P2RY8: variants seen among roughly 807,000 people sequenced by gnomAD.
P2RY8 encodes the protein P2Y receptor family member 8.
P2RY8 carries 6 observed loss-of-function variants against 10.0 expected under a neutral mutation model. The observed-to-expected ratio is 0.60, with a 90% CI of 0.33 to 1.19. The LOEUF (loss-of-function observed/expected upper bound fraction) is 1.19. Ranked by LOEUF, P2RY8 falls within the 50% of genes most tolerant of loss-of-function variation. The pLI, the probability that P2RY8 is intolerant of heterozygous loss-of-function variation, is 0.04. For synonymous variants in P2RY8, 276 were observed against 252.5 expected (o/e 1.09, Z -0.88); for missense variants, 456 against 542.0 (o/e 0.84, Z 1.58).
rs867510196 is a variant in P2RY8, at chrX:1,472,791, A to C, written c.-24-6209T>G. On this transcript the variant is annotated intron_variant, in intron 1 of 1. Coordinates refer to ENST00000381297, the MANE Select transcript of P2RY8 (RefSeq NM_178129.5). ...GATAGATGTGTGGGTGGATGAATTG[A>C]TGGGTTGATGGGTAGATGGATGGGT... 8.6e-3 allele frequency among the ~76,000 whole-genome samples: 1,219 copies of C among 141,578 alleles called. 7 individuals are homozygous for C. The highest frequency in any genetic ancestry group is 0.014 in the Non-Finnish European group (924 of 65,540). The allele number at this position is 141,578 out of a possible 152,430, so 92.9% of individuals were successfully genotyped here.
At chrX:1,509,751 G>A (rs62651034) in intron 1 of P2RY8, among the ~76,000 whole-genome samples, 16,958 of 73,208 alleles carry the variant, frequency 0.23, 3,230 homozygotes, top group Middle Eastern at 0.42. Flanking sequence ...GTATCTATCT[G>A]TCTATCTATC....
In P2RY8 at chrX:1,495,632, G is replaced by A. The variant is rs1414787952; in HGVS notation, c.-24-29050C>T. Among the ~76,000 whole-genome samples, 5 of 141,906 alleles carry A rather than the reference G, an allele frequency of 3.5e-5. 1 individual carries two copies. Among genetic ancestry groups the A allele is most frequent in the Middle Eastern group, 3.4e-3 (1 of 298 alleles). 93.1% of individuals were successfully genotyped at this position (141,906 alleles called of 152,430 possible). Reference sequence around the variant, plus strand: ...CTATGGTATTCTGGGATAGTCGTTCGAAATGGACAAAGACACCTCATAAGA... The same window carrying A: ...CTATGGTATTCTGGGATAGTCGTTCAAAATGGACAAAGACACCTCATAAGA... On this transcript the variant is annotated intron_variant, in intron 1 of 1. Coordinates refer to ENST00000381297, the MANE Select transcript of P2RY8 (RefSeq NM_178129.5).
chrX:1,514,345 C>T (rs1348360705), intron 1 of P2RY8, among the ~76,000 whole-genome samples: 4 of 150,320 alleles, frequency 2.7e-5, no homozygotes, highest in Non-Finnish European at 4.4e-5. Flanking sequence ...CTTTCCTTCC[C>T]TTCCCTTTTA....
At chrX:1,511,171 C>T (rs1338710539) in intron 1 of P2RY8, among the ~76,000 whole-genome samples, 3 of 152,118 alleles carry the variant, frequency 2.0e-5, no homozygotes, top group African/African-American at 2.4e-5. Flanking sequence ...CAGAGTGAGA[C>T]TCTGTCTCAA....
At chrX:1,503,813 T>C (rs1225349742) in intron 1 of P2RY8, among the ~76,000 whole-genome samples, 2 of 150,960 alleles carry the variant, frequency 1.3e-5, no homozygotes, top group African/African-American at 4.9e-5. Flanking sequence ...GAGAATCACT[T>C]GAACCCGGGA....
chrX:1,466,046 G>A lies in P2RY8; in HGVS notation c.513C>T (p.Gly171=), dbSNP rs1393862924. The part of the protein sequence containing the change: ...TDLTYPVHAL[G]IITCFDVLKW... The stretch of plus-strand genomic sequence containing the variant: ...TGAGGACGTCGAAGCAGGTGATGAT[G>A]CCCAGGGCGTGCACCGGGTAGGTGA... Residue 171 remains glycine (G), a synonymous_variant, in exon 2 of 2, where the codon GGC becomes GGT. Coordinates refer to ENST00000381297, the MANE Select transcript of P2RY8 (RefSeq NM_178129.5). 7 of 1,611,710 alleles carry A rather than the reference G, an allele frequency of 4.3e-6. No individual in the cohort carries two copies. In the Admixed American group the frequency reaches 1.0e-4, roughly 23 times the overall value.
At chrX:1,520,966 GC>G (rs1435818200) in intron 1 of P2RY8, among the ~76,000 whole-genome samples, 21 of 146,876 alleles carry the variant, frequency 1.4e-4, no homozygotes, top group African/African-American at 5.3e-4. Flanking sequence ...CACCTCTTTG[GC>G]CCCCAATCAT....
rs2091649274 is a variant in P2RY8, at chrX:1,465,335, G to T, written c.*144C>A. ...CTCTGCAGTGCCTGGGAGGAATAAA[G>T]CCTGGAGACCCTTCCCCACCGGGCC... On this transcript the variant is annotated 3_prime_UTR_variant, in exon 2 of 2. Coordinates refer to ENST00000381297, the MANE Select transcript of P2RY8 (RefSeq NM_178129.5). The T allele has an allele frequency of 7.4e-7, 1 of 1,351,170 alleles. No homozygotes were observed. Among genetic ancestry groups the T allele is most frequent in the Non-Finnish European group, 9.9e-7 (1 of 1,009,612 alleles). 83.7% of individuals were successfully genotyped at this position (1,351,170 alleles called of 1,614,324 possible).
intron 1 of P2RY8, among the ~76,000 whole-genome samples, chrX:1,481,024 G>A (rs1335693264): frequency 2.6e-5 from 4 of 151,768 alleles, no homozygotes; most frequent in Non-Finnish European, 4.4e-5. Flanking sequence ...AATTAATACC[G>A]CCGAGACATG....
At chrX:1,535,710 C>T (rs1221540412) in intron 1 of P2RY8, among the ~76,000 whole-genome samples, 3 of 145,356 alleles carry the variant, frequency 2.1e-5, no homozygotes, top group African/African-American at 7.7e-5. Context: ...CACACACACA[C>T]ACACAGACAC....
In P2RY8 at chrX:1,525,861, CTATT is replaced by C. The variant is rs1239562762; in HGVS notation, c.-25+11056_-25+11059del. ...TGCATCCATTCATTCACTCATTCAT[CTATT>C]CATTCATTCATTTATTCCTTATCCA... On this transcript the variant is annotated intron_variant, in intron 1 of 1. Transcript: ENST00000381297. Among the ~76,000 whole-genome samples the C allele has an allele frequency of 1.3e-4, 19 of 150,896 alleles. No homozygotes were observed. In the South Asian group the frequency reaches 2.9e-3, roughly 23 times the overall value.
At chrX:1,486,923 C>T (rs1383461645) in intron 1 of P2RY8, among the ~76,000 whole-genome samples, 1 of 152,248 alleles carries the variant, frequency 6.6e-6, no homozygotes. Context: ...GCCCCGGTCA[C>T]AGCCAGGCTG....
chrX:1,508,702 CATTCTATCT>C (rs1159759042), intron 1 of P2RY8, among the ~76,000 whole-genome samples: 5 of 86,516 alleles, frequency 5.8e-5, no homozygotes, highest in South Asian at 3.7e-4. Flanking sequence ...TCCATCCATC[CATTCTATCT>C]ATCTATCTAT....
At chrX:1,522,351 TC>T (rs2092399319) in intron 1 of P2RY8, among the ~76,000 whole-genome samples, 1 of 152,168 alleles carries the variant, frequency 6.6e-6, no homozygotes, top group Admixed American at 6.5e-5. Context: ...CATTCATGCC[TC>T]CGTGCAGCCA....
rs1435512232 is a variant in P2RY8, at chrX:1,533,661, T to C, written c.-25+3260A>G. On this transcript the variant is annotated intron_variant, in intron 1 of 1. Coordinates refer to ENST00000381297, the MANE Select transcript of P2RY8 (RefSeq NM_178129.5). ...ACATATTTATTATTTACATATTTATTATTTAAATATATTTTATATTTATAT... is the reference window on the plus strand; with the variant it reads ...ACATATTTATTATTTACATATTTATCATTTAAATATATTTTATATTTATAT... Among the ~76,000 whole-genome samples, 8 of 127,390 alleles carry C rather than the reference T, an allele frequency of 6.3e-5. No homozygotes were observed. In the East Asian group the frequency reaches 2.0e-3, roughly 31 times the overall value. The allele number at this position is 127,390 out of a possible 152,430, so 83.6% of individuals were successfully genotyped here. A position where few individuals can be genotyped will look rare whatever the true frequency, so the allele number is the denominator to read the frequency against.
At chrX:1,515,275 A>G (rs1265395567) in intron 1 of P2RY8, among the ~76,000 whole-genome samples, 4 of 151,868 alleles carry the variant, frequency 2.6e-5, no homozygotes, top group African/African-American at 9.7e-5. Context: ...TAGAGATAGA[A>G]TTCCTACAGC....
chrX:1,487,496 C>T (rs1416962920), intron 1 of P2RY8, among the ~76,000 whole-genome samples: 2 of 152,028 alleles, frequency 1.3e-5, no homozygotes, highest in East Asian at 3.9e-4. Context: ...TGCTTGGGAC[C>T]CAGACTGTAG....
intron 1 of P2RY8, among the ~76,000 whole-genome samples, chrX:1,516,766 G>C (rs1339011415): frequency 6.6e-6 from 1 of 151,722 alleles, no homozygotes; most frequent in Non-Finnish European, 1.5e-5. Flanking sequence ...AAGAAGAGGA[G>C]ATGAGGACAC....
At chrX:1,530,840 C>G in intron 1 of P2RY8, among the ~76,000 whole-genome samples, 1 of 151,616 alleles carries the variant, frequency 6.6e-6, no homozygotes, top group East Asian at 2.0e-4. Flanking sequence ...TCACCATTAT[C>G]TATCTATATC....
Sources: allele counts gnomAD v4.1 joint callset (sites outside exome capture counted in the v4.1 genomes callset), GRCh38; gene constraint gnomAD v4.1.1; transcripts MANE v1.5; gene names NCBI Gene and HGNC (gene_info 2026-07-23, HGNC 2026-07-21).